The following VIL1 variants were observed in gnomAD, a reference collection of about 807,000 sequenced individuals.
The protein encoded by VIL1 is villin 1, also known as villin-1.
Under a neutral mutation model 104.0 loss-of-function variants are expected in VIL1, and 86 were observed. That is an observed-to-expected ratio of 0.83 (90% CI 0.69 to 0.99). The LOEUF (loss-of-function observed/expected upper bound fraction) is 0.99, where lower values mean the gene tolerates loss of function less well. Among genes scored for constraint, VIL1 ranks in the 50% least tolerant of loss-of-function variants. The pLI, the probability that VIL1 is intolerant of heterozygous loss-of-function variation, is 0.00. For missense variants in VIL1, 944 were observed against 1,054.1 expected, an observed-to-expected ratio of 0.90 and a Z score of 1.45; for synonymous variants, 394 against 412.6, an observed-to-expected ratio of 0.95 and a Z score of 0.55.
rs1689526544 is a variant in VIL1, at chr2:218,452,931, G to C, written c.*3595G>C. ...AAGCAAAATCAAACCAAACCAAAGA[G>C]GCTCCTGGTAGAAATGAAACAAAAC... On this transcript the variant is annotated 3_prime_UTR_variant, in exon 20 of 20. Transcript: ENST00000248444. 1 of 152,120 alleles carries C rather than the reference G, an allele frequency of 6.6e-6. No individual in the cohort carries two copies. The highest frequency in any genetic ancestry group is 1.5e-5 in the Non-Finnish European group (1 of 68,034). The allele number at this position is 152,120 out of a possible 1,614,324, so 9.4% of individuals were successfully genotyped here.
intron 9 of VIL1, among the ~76,000 whole-genome samples, chr2:218,430,291 G>C (rs940835780): frequency 6.6e-6 from 1 of 152,030 alleles, no homozygotes; most frequent in Non-Finnish European, 1.5e-5. Flanking sequence ...AAAGGGGATT[G>C]GGTCAGCTCA....
intron 19 of VIL1, among the ~76,000 whole-genome samples, chr2:218,443,654 T>C (rs940577390): frequency 6.6e-6 from 1 of 151,786 alleles, no homozygotes; most frequent in Non-Finnish European, 1.5e-5. Context: ...TAAAAATCAG[T>C]TTTCTGTGGT....
chr2:218,434,943 C>G (rs1202010631), intron 14 of VIL1, among the ~76,000 whole-genome samples: 1 of 152,220 alleles, frequency 6.6e-6, no homozygotes, highest in African/African-American at 2.4e-5. Flanking sequence ...CTCTCTTGTT[C>G]TGTTTCTCTG....
chr2:218,441,457 AG>A (rs1689283426), intron 19 of VIL1, among the ~76,000 whole-genome samples: 1 of 152,188 alleles, frequency 6.6e-6, no homozygotes, highest in African/African-American at 2.4e-5. Flanking sequence ...AAAGACAAAT[AG>A]GAATTATTGA....
chr2:218,427,501 T>C (rs1414656049), intron 4 of VIL1, among the ~76,000 whole-genome samples: 2 of 152,028 alleles, frequency 1.3e-5, no homozygotes, highest in African/African-American at 4.8e-5. Context: ...ATTTTTTGTA[T>C]TTTTAGTAGA....
At chr2:218,427,467 G>A (rs1689021978) in intron 4 of VIL1, among the ~76,000 whole-genome samples, 1 of 151,904 alleles carries the variant, frequency 6.6e-6, no homozygotes, top group Admixed American at 6.6e-5. Flanking sequence ...TGGGATTACA[G>A]GCACCCGCCA....
chr2:218,433,049 G>C, intron 13 of VIL1, 98 bp downstream of exon 13: 3 of 1,449,794 alleles, frequency 2.1e-6, no homozygotes, highest in Admixed American at 1.8e-5. Context: ...CAGGGCTTGA[G>C]GTGAAGCCCA....
rs191150229 is a variant in VIL1, at chr2:218,447,492, A to C, written c.2371-1731A>C. 6.6e-5 allele frequency among the ~76,000 whole-genome samples: 10 copies of C among 150,792 alleles called. No individual in the cohort carries two copies. The East Asian group carries it at 2.0e-3, about 30-fold the overall frequency. On this transcript the variant is annotated intron_variant, in intron 19 of 19. Transcript: ENST00000248444. ...ACCACCATGCCTGGCTAACTTTTGT[A>C]TTTTTTTGGTAGAGATGGGGTTTCA... is the stretch of plus-strand genomic sequence containing the variant.
In VIL1 at chr2:218,423,816, A is replaced by G. The variant is rs1236036919; in HGVS notation, c.38A>G (p.Asn13Ser). Residue 13 changes from asparagine (N) to serine (S), a missense_variant, in exon 2 of 20, where the codon AAC becomes AGC. Coordinates refer to ENST00000248444, the MANE Select transcript of VIL1 (RefSeq NM_007127.3). ...AGCGCCCAAGTCAAAGGCTCTCTCA[A>G]CATCACCACCCCGGGGCTGCAGATA... ...KLSAQVKGSL[N>S]ITTPGLQIWR... 1 of 1,614,144 alleles carries G rather than the reference A, an allele frequency of 6.2e-7. No individual in the cohort carries two copies. The highest frequency in any genetic ancestry group is 8.5e-7 in the Non-Finnish European group (1 of 1,180,008).
At position 218,429,692 on chromosome 2, in the gene VIL1, A is replaced by T; in HGVS notation, c.849+17A>T. On this transcript the variant is annotated intron_variant, in intron 8 of 19. Coordinates refer to ENST00000248444, the MANE Select transcript of VIL1 (RefSeq NM_007127.3). ...AGTCACGAGGTAAGAGGGTCTGGAG[A>T]CCCCTCAGCCTACTGCAGCCTGGCC... 6.2e-7 allele frequency: 1 copy of T among 1,613,710 alleles called. No homozygotes were observed. The highest frequency in any genetic ancestry group is 8.5e-7 in the Non-Finnish European group (1 of 1,179,906).
intron 12 of VIL1, chr2:218,432,422 G>T: frequency 1.3e-6 from 1 of 741,312 alleles, no homozygotes; most frequent in Non-Finnish European, 2.3e-6. Context: ...CTTGTCACCT[G>T]CTCTGCCCAT....
rs1689035836 is a variant in VIL1 at position 218,428,172 on chromosome 2, G to A, written c.457-55G>A. 20 of 1,602,842 alleles carry A rather than the reference G, an allele frequency of 1.2e-5. No individual in the cohort carries two copies. In the South Asian group the frequency reaches 2.2e-4, roughly 18 times the overall value. On this transcript the variant is annotated intron_variant, in intron 5 of 19. Transcript: ENST00000248444. ...AGGGGCAGGGAGGGATGGCCAAGAT[G>A]ATGGATGATAGGTGAGCTCTGAGTG...
chr2:218,424,629 A>T (rs534938800), intron 3 of VIL1, among the ~76,000 whole-genome samples: 2 of 152,000 alleles, frequency 1.3e-5, no homozygotes, highest in Non-Finnish European at 1.5e-5. Context: ...ACTTGAGTCC[A>T]CATTTCCACA....
intron 3 of VIL1, among the ~76,000 whole-genome samples, chr2:218,424,965 G>A (rs1171226035): frequency 6.6e-6 from 1 of 151,524 alleles, no homozygotes; most frequent in Admixed American, 6.6e-5. Flanking sequence ...CAGCCTGGCA[G>A]TCATCTTCAT....
At chr2:218,428,743 C>T (rs1689044625) in intron 6 of VIL1, among the ~76,000 whole-genome samples, 3 of 152,204 alleles carry the variant, frequency 2.0e-5, no homozygotes, top group Admixed American at 2.0e-4. Context: ...GCAATCTCAG[C>T]TCACCGCAAC....
At chr2:218,439,661 A>G (rs1322909070) in intron 18 of VIL1, among the ~76,000 whole-genome samples, 1 of 152,140 alleles carries the variant, frequency 6.6e-6, no homozygotes, top group African/African-American at 2.4e-5. Context: ...TTTACAAAAA[A>G]TAAAAAACAG....
At position 218,425,906 on chromosome 2, in the gene VIL1, G is replaced by C. The variant is rs560868844; in HGVS notation, c.347+95G>C. The stretch of plus-strand genomic sequence containing the variant: ...TGAAGAGGCAGGGACACCCAGACCT[G>C]TTCAGGCCTGGGAAGAACACTTGGA... On this transcript the variant is annotated intron_variant, in intron 4 of 19. Coordinates refer to ENST00000248444, the MANE Select transcript of VIL1 (RefSeq NM_007127.3). 22 of 1,341,870 alleles carry C rather than the reference G, an allele frequency of 1.6e-5. No homozygotes were observed. In the East Asian group the frequency reaches 5.3e-4, roughly 32 times the overall value. 83.1% of individuals were successfully genotyped at this position (1,341,870 alleles called of 1,614,324 possible).
At chr2:218,434,468 A>T in intron 13 of VIL1, 58 bp from the exon 14 acceptor site, 1 of 1,527,828 alleles carries the variant, frequency 6.5e-7, no homozygotes, top group Non-Finnish European at 8.9e-7. Context: ...GTTCCCCATC[A>T]TCTTCTTTAC....
intron 1 of VIL1, among the ~76,000 whole-genome samples, chr2:218,423,557 C>G (rs1170057371): frequency 1.3e-5 from 2 of 152,110 alleles, no homozygotes; most frequent in Non-Finnish European, 2.9e-5. Flanking sequence ...CCCTCCCCCT[C>G]TCTTCCTTAT....
Sources: gnomAD v4.1 joint callset for allele counts (sites outside exome capture counted in the v4.1 genomes callset) on GRCh38, gnomAD v4.1.1 for gene constraint, MANE v1.5 for transcripts, NCBI Gene and HGNC (gene_info 2026-07-23, HGNC 2026-07-21) for gene names.